AK8: variants seen among roughly 807,000 people sequenced by gnomAD.
AK8 encodes the protein adenylate kinase 8, also known as ATP-AMP transphosphorylase 8.
In AK8, 44 loss-of-function variants were observed where a neutral mutation model predicts 54.6. That is an observed-to-expected ratio of 0.81 (90% CI 0.63 to 1.04). The LOEUF (loss-of-function observed/expected upper bound fraction) is 1.04. AK8 is among the 50% of genes least tolerant of loss of function. AK8 has a pLI of 0.00. For synonymous variants in AK8, 239 were observed against 245.6 expected (o/e 0.97, Z 0.25); for missense variants, 555 against 613.6 (o/e 0.90, Z 1.01).
chr9:132,739,441 C>CAAAAAAAAAAAAA (rs768297504), intron 11 of AK8, among the ~76,000 whole-genome samples: 1 of 31,142 alleles, frequency 3.2e-5, no homozygotes, highest in African/African-American at 1.5e-4. Context: ...GACTCTGTCT[C>CAAAAAAAAAAAAA]AAAAAAAAAA....
chr9:132,813,244 C>T (rs1220573769), intron 10 of AK8, among the ~76,000 whole-genome samples: 5 of 152,074 alleles, frequency 3.3e-5, no homozygotes, highest in African/African-American at 9.7e-5. Flanking sequence ...TTGCGTCTGA[C>T]GGCTCCTACT....
chr9:132,877,982 G>A, intron 1 of AK8, 190 bp downstream of exon 1: 8 of 1,437,164 alleles, frequency 5.6e-6, no homozygotes, highest in Non-Finnish European at 6.6e-6. Flanking sequence ...AACCCGGGCA[G>A]GACCAGGAGC....
At chr9:132,824,680 C>A (rs1409359967) in intron 8 of AK8, among the ~76,000 whole-genome samples, 1 of 152,154 alleles carries the variant, frequency 6.6e-6, no homozygotes, top group Non-Finnish European at 1.5e-5. Context: ...AAACTGCCCC[C>A]GATTGTGAAC....
intron 7 of AK8, 45 bp downstream of exon 7, chr9:132,827,968 A>C: frequency 6.5e-7 from 1 of 1,528,818 alleles, no homozygotes; most frequent in Non-Finnish European, 8.9e-7. Flanking sequence ...ATCACCATGG[A>C]CTCTGAAACC....
At chr9:132,794,300 T>C (rs752018787) in intron 10 of AK8, among the ~76,000 whole-genome samples, 1 of 152,220 alleles carries the variant, frequency 6.6e-6, no homozygotes, top group Non-Finnish European at 1.5e-5. Context: ...GCTCCGAGGA[T>C]AAAGAGCAGT....
At chr9:132,792,602 C>T (rs1198942120) in intron 11 of AK8, 32 bp downstream of exon 11, 1 of 1,542,326 alleles carries the variant, frequency 6.5e-7, no homozygotes, top group Non-Finnish European at 8.8e-7. Flanking sequence ...AGGGGCTTGG[C>T]CAGGGCTGCT....
In AK8 at chr9:132,800,458, T is replaced by C. The variant is rs186712790; in HGVS notation, c.980-7683A>G. Reference sequence around the variant, plus strand: ...TCCATCGGCCGCACCCTGCAATTCCTAAGGGAGGGTAAGGCCACTGGATCT... The same window carrying C: ...TCCATCGGCCGCACCCTGCAATTCCCAAGGGAGGGTAAGGCCACTGGATCT... On this transcript the variant is annotated intron_variant, in intron 10 of 12. Coordinates refer to ENST00000298545, the MANE Select transcript of AK8 (RefSeq NM_152572.3). 5.3e-4 allele frequency among the ~76,000 whole-genome samples: 81 copies of C among 152,256 alleles called. 4 individuals carry two copies. In the South Asian group the frequency reaches 0.016, roughly 31 times the overall value.
At chr9:132,878,685 G>A, upstream of AK8, 4 of 992,806 alleles carry the variant, frequency 4.0e-6, no homozygotes, top group Non-Finnish European at 2.4e-6. The surrounding 1 kb of genome is among the most constrained non-coding windows in gnomAD (Gnocchi z 4.7). Context: ...ATGTGGGGGA[G>A]GGTGTTTGAA....
At chr9:132,775,450 G>A (rs1026472399) in intron 11 of AK8, among the ~76,000 whole-genome samples, 2 of 152,022 alleles carry the variant, frequency 1.3e-5, no homozygotes, top group Non-Finnish European at 1.5e-5. Flanking sequence ...TTACAGGCGT[G>A]CACCACCATG....
rs1412041651 is a variant in AK8, at chr9:132,826,637, G to A, written c.757+217C>T. Among the ~76,000 whole-genome samples the A allele has an allele frequency of 6.6e-6, 1 of 152,186 alleles. No individual in the cohort carries two copies. Among genetic ancestry groups the A allele is most frequent in the Non-Finnish European group, 1.5e-5 (1 of 68,042 alleles). On this transcript the variant is annotated intron_variant, in intron 8 of 12. Coordinates refer to ENST00000298545, the MANE Select transcript of AK8 (RefSeq NM_152572.3). The surrounding 1 kb of genome is among the most constrained non-coding windows in gnomAD (Gnocchi z 4.5). ...AGAGATGTGACCACATCTGAGTGTG[G>A]GACATTAGCCCAGGGTCTCCAAGTG...
chr9:132,809,192 G>T (rs1048504443), intron 10 of AK8, among the ~76,000 whole-genome samples: 4 of 152,154 alleles, frequency 2.6e-5, no homozygotes, highest in Admixed American at 2.0e-4. Flanking sequence ...ACAGACCTAG[G>T]ATTGAAAAGG....
At chr9:132,752,585 T>C (rs1410437124) in intron 11 of AK8, among the ~76,000 whole-genome samples, 2 of 152,292 alleles carry the variant, frequency 1.3e-5, no homozygotes, top group Non-Finnish European at 2.9e-5. Context: ...GTAGATGCCC[T>C]GTGTAATCAA....
At chr9:132,877,985 C>T in intron 1 of AK8, 187 bp downstream of exon 1, 3 of 1,450,208 alleles carry the variant, frequency 2.1e-6, no homozygotes, top group Non-Finnish European at 2.8e-6. Context: ...CCGGGCAGGA[C>T]CAGGAGCGTC....
At chr9:132,777,158 G>A (rs989530681) in intron 11 of AK8, among the ~76,000 whole-genome samples, 2 of 152,142 alleles carry the variant, frequency 1.3e-5, no homozygotes, top group African/African-American at 2.4e-5. Context: ...AAAATCTTGC[G>A]ACTGGTATTT....
At chr9:132,839,688 G>T (rs1260437944) in intron 5 of AK8, among the ~76,000 whole-genome samples, 1 of 152,158 alleles carries the variant, frequency 6.6e-6, no homozygotes, top group African/African-American at 2.4e-5. Flanking sequence ...GAAGAAGAAT[G>T]AGGAGACACT....
intron 12 of AK8, among the ~76,000 whole-genome samples, chr9:132,727,004 A>G (rs1836607793): frequency 6.6e-6 from 1 of 151,318 alleles, no homozygotes; most frequent in Admixed American, 6.6e-5. Context: ...CAGTGATTGT[A>G]TTTGGTCAGA....
At chr9:132,859,451 A>G (rs1843299490) in intron 4 of AK8, among the ~76,000 whole-genome samples, 1 of 151,962 alleles carries the variant, frequency 6.6e-6, no homozygotes, top group Non-Finnish European at 1.5e-5. Flanking sequence ...AAAGGTGGCG[A>G]TCCTCCCGCC....
chr9:132,727,539 A>G lies in AK8; in HGVS notation c.1122-5T>C. The G allele has an allele frequency of 6.2e-7, 1 of 1,611,726 alleles. No individual in the cohort carries two copies. The highest frequency in any genetic ancestry group is 2.2e-5 in the East Asian group (1 of 44,860). ...GGCACATTCAGGAAAAACACCCTAT[A>G]AGGAAATAAACCATATTAATAATGG... On this transcript the variant is annotated splice_polypyrimidine_tract_variant and splice_region_variant and intron_variant, in intron 11 of 12. Coordinates refer to ENST00000298545, the MANE Select transcript of AK8 (RefSeq NM_152572.3).
chr9:132,740,883 T>C (rs1012164909), intron 11 of AK8, among the ~76,000 whole-genome samples: 2 of 152,034 alleles, frequency 1.3e-5, no homozygotes, highest in South Asian at 2.1e-4. Context: ...TGCAGAAGAG[T>C]TGACCAATCC....
Sources: allele counts gnomAD v4.1 joint callset (sites outside exome capture counted in the v4.1 genomes callset), GRCh38; gene constraint gnomAD v4.1.1; non-coding constraint Gnocchi (gnomAD v3.1); transcripts MANE v1.5; gene names NCBI Gene and HGNC (gene_info 2026-07-23, HGNC 2026-07-21).